The following ZNF695 variants were observed in gnomAD, a reference collection of about 807,000 sequenced individuals.
The protein encoded by ZNF695 is zinc finger protein 695, also known as zinc finger protein SBZF3.
In ZNF695, 11 loss-of-function variants were observed where a neutral mutation model predicts 11.2. The ratio of observed to expected loss-of-function variants is 0.98; its 90% CI spans 0.62 to 1.62. ZNF695 has a LOEUF of 1.62. ZNF695 is among the 40% of genes most tolerant of loss of function. The pLI is 0.00. For synonymous variants in ZNF695, 190 were observed against 201.4 expected, an observed-to-expected ratio of 0.94 and a Z score of 0.48; for missense variants, 559 against 590.5, an observed-to-expected ratio of 0.95 and a Z score of 0.55.
intron 3 of ZNF695, among the ~76,000 whole-genome samples, chr1:246,999,139 G>A (rs1340424618): frequency 6.6e-6 from 1 of 152,086 alleles, no homozygotes; most frequent in Non-Finnish European, 1.5e-5. Flanking sequence ...CTGTAAACTT[G>A]AAGGAAAATG....
intron 5 of ZNF695, among the ~76,000 whole-genome samples, chr1:246,946,170 G>T (rs1558299404): frequency 6.6e-6 from 1 of 152,100 alleles, no homozygotes; most frequent in African/African-American, 2.4e-5. Flanking sequence ...TCCCGCCGCT[G>T]CATTTTAGTC....
chr1:246,993,902 G>A (rs1002479626), intron 3 of ZNF695, among the ~76,000 whole-genome samples: 1 of 152,146 alleles, frequency 6.6e-6, no homozygotes, highest in African/African-American at 2.4e-5. Flanking sequence ...GGCTGGGTGC[G>A]GTGGCTCACG....
intron 5 of ZNF695, among the ~76,000 whole-genome samples, chr1:246,948,388 C>T (rs1352147112): frequency 6.6e-6 from 1 of 152,096 alleles, no homozygotes; most frequent in Non-Finnish European, 1.5e-5. Flanking sequence ...TTGACCTTTT[C>T]TAAGCCAATG....
chr1:246,958,120 G>A (rs189022458), intron 5 of ZNF695, among the ~76,000 whole-genome samples: 1,571 of 151,192 alleles, frequency 0.01, 23 homozygotes, highest in African/African-American at 0.035. Flanking sequence ...GTGCAGTGGC[G>A]CGATCTCGGC....
intron 5 of ZNF695, among the ~76,000 whole-genome samples, chr1:246,964,825 C>T (rs938702414): frequency 2.0e-5 from 3 of 151,930 alleles, no homozygotes; most frequent in Admixed American, 1.3e-4. Flanking sequence ...GAGCTGAGAT[C>T]GCGGCACTGC....
At chr1:246,945,830 GA>G (rs1558299198) in intron 5 of ZNF695, 1 of 1,549,738 alleles carries the variant, frequency 6.5e-7, no homozygotes, top group South Asian at 1.2e-5. Context: ...ACTGGACCCT[GA>G]AAAAAAGAAA....
At chr1:246,995,486 C>A (rs1669174704) in intron 3 of ZNF695, among the ~76,000 whole-genome samples, 1 of 152,130 alleles carries the variant, frequency 6.6e-6, no homozygotes, top group Non-Finnish European at 1.5e-5. Context: ...AAGAGCGCAA[C>A]AATCTCCACA....
exon 6 of ZNF695, chr1:246,945,716 C>CT (rs1558299106): frequency 6.8e-7 from 1 of 1,480,524 alleles, no homozygotes; most frequent in Non-Finnish European, 9.2e-7. Flanking sequence ...GCTGACGCAG[C>CT]TGGACCCGGT....
intron 5 of ZNF695, among the ~76,000 whole-genome samples, chr1:246,959,313 ATATATATATATATATATATAT>A (rs1668101846): frequency 8.9e-4 from 35 of 39,478 alleles, no homozygotes; most frequent in South Asian, 4.2e-3. Flanking sequence ...AAAAAAAAAT[ATATATATATATATATATATAT>A]ATATATATAT....
At chr1:246,977,152 C>T (rs891811078) in intron 4 of ZNF695, among the ~76,000 whole-genome samples, 1 of 152,198 alleles carries the variant, frequency 6.6e-6, no homozygotes, top group Non-Finnish European at 1.5e-5. Flanking sequence ...CTAACAAAAA[C>T]TTTCATATGT....
intron 4 of ZNF695, among the ~76,000 whole-genome samples, chr1:246,971,926 T>C (rs1335995684): frequency 6.6e-6 from 1 of 152,078 alleles, no homozygotes; most frequent in East Asian, 1.9e-4. Flanking sequence ...ATCTTGAACT[T>C]CATCAGGAGT....
intron 5 of ZNF695, among the ~76,000 whole-genome samples, chr1:246,963,829 T>C (rs1236012974): frequency 2.0e-5 from 3 of 152,156 alleles, no homozygotes; most frequent in African/African-American, 7.2e-5. Flanking sequence ...AGAGTCAGAT[T>C]GCACAGCTTA....
rs1411512069 is a variant in ZNF695, at chr1:246,996,807, TGA to T, written c.259+2539_259+2540del. Among the ~76,000 whole-genome samples, 3 of 152,326 alleles carry T rather than the reference TGA, an allele frequency of 2.0e-5. No homozygotes were observed. In the East Asian group the frequency reaches 5.8e-4, roughly 29 times the overall value. ...TAGAGACTGTACGAATCCATTTATATGAGATATCTGAAACAGATCCTTAAAAA... is the reference window on the plus strand; with the variant it reads ...TAGAGACTGTACGAATCCATTTATATGATATCTGAAACAGATCCTTAAAAA... On this transcript the variant is annotated intron_variant, in intron 3 of 3. Coordinates refer to ENST00000339986, the MANE Select transcript of ZNF695 (RefSeq NM_020394.5).
chr1:246,974,740 T>C (rs1043722217), intron 4 of ZNF695, among the ~76,000 whole-genome samples: 1 of 152,138 alleles, frequency 6.6e-6, no homozygotes, highest in African/African-American at 2.4e-5. Context: ...GACTCTGAGG[T>C]AGAAATAAGC....
chr1:246,956,491 C>T (rs1042610334), intron 5 of ZNF695, among the ~76,000 whole-genome samples: 1 of 151,696 alleles, frequency 6.6e-6, no homozygotes, highest in Non-Finnish European at 1.5e-5. Flanking sequence ...TGGCAGTCAC[C>T]TATAATCCCA....
chr1:246,946,657 G>A (rs1168159182), intron 5 of ZNF695, among the ~76,000 whole-genome samples: 2 of 152,238 alleles, frequency 1.3e-5, no homozygotes, highest in African/African-American at 2.4e-5. Flanking sequence ...CTGTCTCAAG[G>A]AGACTGACTT....
At chr1:247,003,994 CCT>C in intron 1 of ZNF695, among the ~76,000 whole-genome samples, 1 of 152,208 alleles carries the variant, frequency 6.6e-6, no homozygotes, top group African/African-American at 2.4e-5. Flanking sequence ...GGGCGGATCA[CCT>C]GAGGTTAGGA....
intron 3 of ZNF695, among the ~76,000 whole-genome samples, chr1:246,997,718 A>G (rs1425106055): frequency 1.3e-5 from 2 of 152,222 alleles, no homozygotes; most frequent in Non-Finnish European, 2.9e-5. Context: ...TATACATAAT[A>G]GAGTATTATT....
chr1:246,961,980 G>A lies in ZNF695; in HGVS notation c.488+5715C>T, dbSNP rs192627652. 3.3e-5 allele frequency among the ~76,000 whole-genome samples: 5 copies of A among 152,316 alleles called. No homozygotes were observed. The East Asian group carries it at 7.7e-4, about 24-fold the overall frequency. On this transcript the variant is annotated intron_variant, in intron 5 of 5. Coordinates refer to the ZNF695 transcript ENST00000487338. ...AGACATATGAGTTGTCATGGCAGACGGTGGTGGTGACGATCACTGCTGCCT... is the reference window on the plus strand; with the variant it reads ...AGACATATGAGTTGTCATGGCAGACAGTGGTGGTGACGATCACTGCTGCCT...
Sources: gnomAD v4.1 joint callset for allele counts (sites outside exome capture counted in the v4.1 genomes callset) on GRCh38, gnomAD v4.1.1 for gene constraint, MANE v1.5 for transcripts, NCBI Gene and HGNC (gene_info 2026-07-23, HGNC 2026-07-21) for gene names.